COL5A1: variants seen among roughly 807,000 people sequenced by gnomAD.
COL5A1 encodes the protein collagen type V alpha 1 chain.
COL5A1 carries 16 observed loss-of-function variants against 263.7 expected under a neutral mutation model. The observed-to-expected ratio is 0.06, with a 90% confidence interval of 0.04 to 0.09. The LOEUF (loss-of-function observed/expected upper bound fraction) is 0.09. Ranked by LOEUF, COL5A1 falls within the 10% of genes least tolerant of loss-of-function variation. The pLI is 1.00. For synonymous variants in COL5A1, 1,012 were observed against 1,004.5 expected (o/e 1.01, Z -0.14); for missense variants, 2,036 against 2,540.5 (o/e 0.80, Z 4.27).
At chr9:134,780,057 G>A (rs750443939) in intron 27 of COL5A1, 45 bp from the exon 28 acceptor site, 3 of 1,610,830 alleles carry the variant, frequency 1.9e-6, no homozygotes, top group African/African-American at 1.3e-5. Context: ...TAGAAAGGCT[G>A]AGACTTGTAA....
intron 2 of COL5A1, among the ~76,000 whole-genome samples, chr9:134,694,233 G>A (rs1375054530): frequency 2.6e-5 from 4 of 152,230 alleles, no homozygotes; most frequent in Non-Finnish European, 5.9e-5. Context: ...CCTGGATCAC[G>A]GGGGTGGGGG....
intron 1 of COL5A1, among the ~76,000 whole-genome samples, chr9:134,658,061 C>G (rs1229660306): frequency 6.6e-6 from 1 of 151,960 alleles, no homozygotes; most frequent in Admixed American, 6.5e-5. Flanking sequence ...AGCAACCCTG[C>G]CCGTCTCTTG....
rs1362452969 is a variant in COL5A1, at chr9:134,843,770, C to T, written c.*1467C>T. The T allele has an allele frequency of 1.3e-5, 2 of 152,828 alleles. No homozygotes were observed. The highest frequency in any genetic ancestry group is 2.4e-5 in the African/African-American group (1 of 41,592). 9.5% of individuals were successfully genotyped at this position (152,828 alleles called of 1,614,324 possible). A position where few individuals can be genotyped will look rare whatever the true frequency, so the allele number is the denominator to read the frequency against. ...CGTTCAGTCATGCCATGCGCTGCCT[C>T]GGTAGATGGAGTAATGTACAATGAA... On this transcript the variant is annotated 3_prime_UTR_variant, in exon 66 of 66. Coordinates refer to ENST00000371817, the MANE Select transcript of COL5A1 (RefSeq NM_000093.5).
In COL5A1 at chr9:134,742,392, C is replaced by T. The variant is rs145114337; in HGVS notation, c.1494+3584C>T. Among the ~76,000 whole-genome samples the T allele has an allele frequency of 9.9e-3, 1,509 of 152,200 alleles. 20 individuals are homozygous for T. Among genetic ancestry groups the T allele is most frequent in the African/African-American group, 0.028 (1,148 of 41,542 alleles). Reference sequence around the variant, plus strand: ...GCATTGGAGGAAGAGCTGGGAATCCCGAGATGGGAGGTCTGGAGCGGCTGT... The same window carrying T: ...GCATTGGAGGAAGAGCTGGGAATCCTGAGATGGGAGGTCTGGAGCGGCTGT... On this transcript the variant is annotated intron_variant, in intron 11 of 65. Transcript: ENST00000371817. The surrounding 1 kb of genome is among the most constrained non-coding windows in gnomAD (Gnocchi z 4.6).
At chr9:134,697,744 T>G (rs1187071303) in intron 2 of COL5A1, among the ~76,000 whole-genome samples, 2 of 152,076 alleles carry the variant, frequency 1.3e-5, no homozygotes, top group African/African-American at 4.8e-5. Flanking sequence ...CCCACTCCCT[T>G]GCCATAGGTG....
At chr9:134,838,676 G>A (rs1464493252) in intron 65 of COL5A1, among the ~76,000 whole-genome samples, 1 of 152,214 alleles carries the variant, frequency 6.6e-6, no homozygotes, top group African/African-American at 2.4e-5. Context: ...GGATCACGGG[G>A]ATACCCAGAC....
chr9:134,823,050 C>T lies in COL5A1; in HGVS notation c.4644+17C>T. ...GGCTCCTCGGTAAGTAACATGCTGC[C>T]CAGCCAGGCCAATGCCTGGAAGGTA... is the stretch of plus-strand genomic sequence containing the variant. On this transcript the variant is annotated intron_variant, in intron 60 of 65. Coordinates refer to ENST00000371817, the MANE Select transcript of COL5A1 (RefSeq NM_000093.5). The T allele has an allele frequency of 2.5e-6, 4 of 1,614,058 alleles. No individual in the cohort carries two copies. Among genetic ancestry groups the T allele is most frequent in the South Asian group, 2.2e-5 (2 of 91,078 alleles).
intron 27 of COL5A1, among the ~76,000 whole-genome samples, chr9:134,776,600 C>T (rs1040513307): frequency 6.6e-6 from 1 of 152,136 alleles, no homozygotes; most frequent in African/African-American, 2.4e-5. Context: ...GGTGGCAGGG[C>T]GTGGGATTGC....
At chr9:134,747,872 GAC>G (rs758316933) in intron 11 of COL5A1, among the ~76,000 whole-genome samples, 16 of 108,620 alleles carry the variant, frequency 1.5e-4, no homozygotes, top group East Asian at 8.6e-4. Context: ...CACACATGCA[GAC>G]ACATGCACAC....
Position 134,652,981 on chromosome 9 carries a change from C to A in COL5A1, c.109+10685C>A, listed in dbSNP as rs74872827. 3.6e-6 allele frequency: 1 copy of A among 276,982 alleles called. No individual in the cohort carries two copies. The highest frequency in any genetic ancestry group is 7.3e-6 in the Non-Finnish European group (1 of 136,878). The allele number at this position is 276,982 out of a possible 1,614,324, so 17.2% of individuals were successfully genotyped here. On this transcript the variant is annotated intron_variant, in intron 1 of 65. Transcript: ENST00000371817. The surrounding 1 kb of genome is among the most constrained non-coding windows in gnomAD (Gnocchi z 4.4). ...ACTTTGCAAACCACGAGTCGTTCTG[C>A]GTCCTCGAGCCCAGGGTCTTGGATT... is the stretch of plus-strand genomic sequence containing the variant.
rs181246690 is a variant in COL5A1 at position 134,766,445 on chromosome 9, C to T, written c.2089-9C>T. The T allele has an allele frequency of 3.2e-4, 517 of 1,614,008 alleles. 1 individual carries two copies. The highest frequency in any genetic ancestry group is 1.5e-3 in the Middle Eastern group (9 of 6,062). On this transcript the variant is annotated splice_polypyrimidine_tract_variant and intron_variant, in intron 21 of 65. Transcript: ENST00000371817. ...AGTTACATGTTTTTCTTCTTAAAATCGTACACAGGGTGTCACGGGTATGGA... is the reference window on the plus strand; with the variant it reads ...AGTTACATGTTTTTCTTCTTAAAATTGTACACAGGGTGTCACGGGTATGGA...
chr9:134,764,985 C>G (rs1044347767), intron 20 of COL5A1, among the ~76,000 whole-genome samples: 1 of 152,174 alleles, frequency 6.6e-6, no homozygotes, highest in African/African-American at 2.4e-5. Flanking sequence ...TGGGGTGAAG[C>G]CTCTGTAATT....
intron 18 of COL5A1, among the ~76,000 whole-genome samples, chr9:134,759,433 GCACACA>G (rs1190569190): frequency 2.1e-5 from 2 of 97,258 alleles, no homozygotes; most frequent in Non-Finnish European, 3.6e-5. Context: ...ATACACACAT[GCACACA>G]CCCACACCCA....
Position 134,804,991 on chromosome 9 carries a change from C to T in COL5A1, c.3131C>T (p.Ala1044Val). Residue 1044 changes from alanine (A) to valine (V), a missense_variant, in exon 40 of 66, where the codon GCA (alanine) becomes GTA (valine). By Grantham distance (64) the Ala-to-Val change is moderately conservative. Transcript: ENST00000371817. ...TGTTTTCAGGGTGACCCAGGCCCTGCAGGCCTCCCTGGGAAAGATGGCCCT... is the reference window on the plus strand; with the variant it reads ...TGTTTTCAGGGTGACCCAGGCCCTGTAGGCCTCCCTGGGAAAGATGGCCCT... ...KEGTKGDPGP[A>V]GLPGKDGPPG... 6.2e-7 allele frequency: 1 copy of T among 1,613,740 alleles called. No individual in the cohort carries two copies. The highest frequency in any genetic ancestry group is 8.5e-7 in the Non-Finnish European group (1 of 1,179,850).
intron 34 of COL5A1, 34 bp downstream of exon 34, chr9:134,795,349 T>C (rs751884244): frequency 6.2e-7 from 1 of 1,603,268 alleles, no homozygotes; most frequent in Non-Finnish European, 8.5e-7. Flanking sequence ...GTGGGCGGCG[T>C]GAACCCAAGT....
intron 65 of COL5A1, among the ~76,000 whole-genome samples, chr9:134,840,888 T>C (rs538878112): frequency 1.7e-3 from 252 of 152,234 alleles, no homozygotes; most frequent in African/African-American, 5.9e-3. Flanking sequence ...CACCTCCTAA[T>C]ACCATCTTTG....
At chr9:134,658,518 T>C (rs908160977) in intron 1 of COL5A1, among the ~76,000 whole-genome samples, 2 of 152,124 alleles carry the variant, frequency 1.3e-5, no homozygotes, top group African/African-American at 4.8e-5. Context: ...TTCACATGCA[T>C]ACGCTCCCAC....
At chr9:134,782,296 C>A (rs933286926) in intron 28 of COL5A1, among the ~76,000 whole-genome samples, 1 of 152,262 alleles carries the variant, frequency 6.6e-6, no homozygotes, top group Non-Finnish European at 1.5e-5. Flanking sequence ...AATTGTCACC[C>A]CCTTTACCCG....
At chr9:134,707,886 C>T (rs1333924020) in intron 4 of COL5A1, among the ~76,000 whole-genome samples, 2 of 152,156 alleles carry the variant, frequency 1.3e-5, no homozygotes, top group African/African-American at 4.8e-5. Context: ...GAGCAGACTT[C>T]CCGGCACACA....
Sources: allele counts gnomAD v4.1 joint callset (sites outside exome capture counted in the v4.1 genomes callset), GRCh38; gene constraint gnomAD v4.1.1; non-coding constraint Gnocchi (gnomAD v3.1); transcripts MANE v1.5; gene names NCBI Gene and HGNC (gene_info 2026-07-23, HGNC 2026-07-21).